The following SLF2 variants were observed in gnomAD, a reference collection of about 807,000 sequenced individuals.
The protein encoded by SLF2 is SMC5-SMC6 complex localization factor protein 2.
Under a neutral mutation model 124.3 loss-of-function variants are expected in SLF2, and 68 were observed. That is an observed-to-expected ratio of 0.55 (90% CI 0.45 to 0.67). The LOEUF is 0.67. SLF2 is among the 30% of genes least tolerant of loss of function. The pLI is 0.00. For missense variants in SLF2, 1,246 were observed against 1,373.7 expected (o/e 0.91, Z 1.47); for synonymous variants, 480 against 478.8 (o/e 1.00, Z -0.03).
chr10:100,914,722 A>G (rs921979866), intron 1 of SLF2, among the ~76,000 whole-genome samples: 1 of 152,178 alleles, frequency 6.6e-6, no homozygotes, highest in African/African-American at 2.4e-5. Context: ...ATAGCCCGTC[A>G]CTCATATTCA....
intron 17 of SLF2, among the ~76,000 whole-genome samples, chr10:100,953,019 T>C (rs1850249926): frequency 6.6e-6 from 1 of 152,252 alleles, no homozygotes; most frequent in South Asian, 2.1e-4. Flanking sequence ...TTATATTTTA[T>C]ACATTTTTTT....
chr10:100,919,639 T>A (rs746509471), intron 4 of SLF2, among the ~76,000 whole-genome samples: 31 of 152,226 alleles, frequency 2.0e-4, no homozygotes, highest in Non-Finnish European at 1.3e-4. Flanking sequence ...TCTCCACAAC[T>A]AACAACAGTT....
Position 100,916,592 on chromosome 10 carries a change from A to C in SLF2, c.207A>C (p.Pro69=). The C allele has an allele frequency of 7.1e-7, 1 of 1,401,270 alleles. No individual in the cohort carries two copies. Among genetic ancestry groups the C allele is most frequent in the Non-Finnish European group, 9.3e-7 (1 of 1,072,782 alleles). The allele number at this position is 1,401,270 out of a possible 1,614,324, so 86.8% of individuals were successfully genotyped here. The change falls in exon 3 of 20, where the codon CCA becomes CCC. Residue 69 remains proline, a synonymous_variant. Coordinates refer to ENST00000238961, the MANE Select transcript of SLF2 (RefSeq NM_018121.4). Reference sequence around the variant, plus strand: ...TAGACAGACACATGTTGGATTCACCACAAAAATCAAACATCAAATATGGAG... The same window carrying C: ...TAGACAGACACATGTTGGATTCACCCCAAAAATCAAACATCAAATATGGAG... ...SKQDRHMLDS[P]QKSNIKYGGS...
At position 100,916,188 on chromosome 10, in the gene SLF2, C is replaced by A. The variant is rs1171549973; in HGVS notation, c.184+146C>A. The A allele has an allele frequency of 8.4e-6, 5 of 596,074 alleles. No homozygotes were observed. In the East Asian group the frequency reaches 1.4e-4, roughly 17 times the overall value. 36.9% of individuals were successfully genotyped at this position (596,074 alleles called of 1,614,324 possible). A position where few individuals can be genotyped will look rare whatever the true frequency, so the allele number is the denominator to read the frequency against. On this transcript the variant is annotated intron_variant, in intron 2 of 19. Coordinates refer to ENST00000238961, the MANE Select transcript of SLF2 (RefSeq NM_018121.4). Reference sequence around the variant, plus strand: ...AATGAAGATGCAGTATTTTGTTTTACAAGGATAAACTGAAGTTCTAAATAT... The same window carrying A: ...AATGAAGATGCAGTATTTTGTTTTAAAAGGATAAACTGAAGTTCTAAATAT...
intron 17 of SLF2, among the ~76,000 whole-genome samples, chr10:100,953,608 G>A (rs776785384): frequency 3.6e-4 from 55 of 151,716 alleles, no homozygotes; most frequent in Admixed American, 1.3e-4. Context: ...TAACAAAAAT[G>A]TAATCATAGT....
intron 3 of SLF2, among the ~76,000 whole-genome samples, chr10:100,917,857 A>T (rs1849447837): frequency 6.6e-6 from 1 of 152,152 alleles, no homozygotes; most frequent in Non-Finnish European, 1.5e-5. Context: ...AGGTGGAAGG[A>T]TTGCTTGAGC....
intron 4 of SLF2, among the ~76,000 whole-genome samples, chr10:100,919,400 C>T (rs896582125): frequency 6.6e-6 from 1 of 151,978 alleles, no homozygotes; most frequent in Non-Finnish European, 1.5e-5. Context: ...GAGACTGTTA[C>T]CATGATAAAA....
At chr10:100,918,868 A>G (rs563828466) in intron 4 of SLF2, among the ~76,000 whole-genome samples, 2 of 152,104 alleles carry the variant, frequency 1.3e-5, no homozygotes, top group African/African-American at 4.8e-5. Flanking sequence ...ATGAGCCACC[A>G]CACCTGACCT....
chr10:100,927,226 C>CCATA (rs1421346325), intron 6 of SLF2, among the ~76,000 whole-genome samples: 1 of 152,170 alleles, frequency 6.6e-6, no homozygotes, highest in Non-Finnish European at 1.5e-5. Flanking sequence ...AACTGAAACT[C>CCATA]CATACCCTTT....
intron 19 of SLF2, among the ~76,000 whole-genome samples, chr10:100,960,159 A>C (rs1437871223): frequency 6.6e-6 from 1 of 152,224 alleles, no homozygotes; most frequent in Non-Finnish European, 1.5e-5. Flanking sequence ...TGGATATGTC[A>C]CATTTATTTA....
intron 11 of SLF2, chr10:100,943,652 CAG>C (rs1437224712): frequency 6.4e-6 from 1 of 157,130 alleles, no homozygotes; most frequent in East Asian, 1.8e-4. Context: ...TCTTTTTAGT[CAG>C]AGCCATCTTC....
intron 18 of SLF2, 73 bp downstream of exon 18, chr10:100,956,610 A>G: frequency 9.1e-7 from 1 of 1,092,940 alleles, no homozygotes; most frequent in Non-Finnish European, 1.3e-6. Flanking sequence ...GGATAGAAGC[A>G]TACAGGCCTA....
At chr10:100,913,305 G>A (rs1849354798) in intron 1 of SLF2, 55 bp downstream of exon 1, 24 of 1,431,982 alleles carry the variant, frequency 1.7e-5, no homozygotes, top group Non-Finnish European at 2.1e-5. Context: ...GGGTATGAGG[G>A]GAGGGCTGCA....
chr10:100,944,133 G>A lies in SLF2; in HGVS notation c.2757+5G>A. 6.3e-7 allele frequency: 1 copy of A among 1,579,208 alleles called. No homozygotes were observed. Among genetic ancestry groups the A allele is most frequent in the East Asian group, 2.2e-5 (1 of 44,572 alleles). ...AACATTTTAAATGTGGTTAAGGTAG[G>A]AAAGAACTTTTATGTGTCTTCTGCT... On this transcript the variant is annotated splice_donor_5th_base_variant and intron_variant, in intron 12 of 19. Coordinates refer to ENST00000238961, the MANE Select transcript of SLF2 (RefSeq NM_018121.4).
chr10:100,924,482 G>A lies in SLF2; in HGVS notation c.1481G>A (p.Cys494Tyr). The A allele has an allele frequency of 6.2e-7, 1 of 1,613,982 alleles. No individual in the cohort carries two copies. The highest frequency in any genetic ancestry group is 8.5e-7 in the Non-Finnish European group (1 of 1,180,012). The change falls in exon 5 of 20, where the codon TGT becomes TAT. Residue 494 changes from cysteine to tyrosine, a missense_variant. Transcript: ENST00000238961. ...CTAGTACCATTAAATGCTAAAAATTGTGCTCTTCCAGTTTCTAAAAAAGAT... is the reference window on the plus strand; with the variant it reads ...CTAGTACCATTAAATGCTAAAAATTATGCTCTTCCAGTTTCTAAAAAAGAT... ...SSLVPLNAKN[C>Y]ALPVSKKDKE...
At position 100,929,855 on chromosome 10, in the gene SLF2, A is replaced by G. The variant is rs1012086295; in HGVS notation, c.2191A>G (p.Thr731Ala). Residue 731 changes from threonine (T) to alanine (A), a missense_variant, in exon 8 of 20, where the codon ACA becomes GCA. Coordinates refer to ENST00000238961, the MANE Select transcript of SLF2 (RefSeq NM_018121.4). ...HKEFLKKFSV[T>A]IDAIPDHHPG... ...GGAATTTCTAAAGAAATTTTCAGTT[A>G]CAATTGATGCTATTCCTGATCATCA... 4 of 1,577,358 alleles carry G rather than the reference A, an allele frequency of 2.5e-6. No homozygotes were observed. The South Asian group carries it at 3.6e-5, about 14-fold the overall frequency.
At chr10:100,947,871 T>A in intron 15 of SLF2, 24 bp downstream of exon 15, 1 of 1,557,130 alleles carries the variant, frequency 6.4e-7, no homozygotes, top group Non-Finnish European at 8.8e-7. Context: ...CATTTTTATT[T>A]TTAATAAATG....
chr10:100,924,091 C>G lies in SLF2; in HGVS notation c.1090C>G (p.Arg364Gly). 6.2e-7 allele frequency: 1 copy of G among 1,613,204 alleles called. No individual in the cohort carries two copies. The highest frequency in any genetic ancestry group is 8.5e-7 in the Non-Finnish European group (1 of 1,179,794). ...PKARESFLEK[R>G]PDGPHQKEKF... ...AGCAAGAGAGTCCTTCCTTGAGAAG[C>G]GTCCTGATGGACCACATCAGAAAGA... The change falls in exon 5 of 20, where the codon CGT becomes GGT. Residue 364 changes from arginine to glycine, a missense_variant. By Grantham distance (125) the Arg-to-Gly change is moderately radical. Around this residue, in one of 3 missense-constraint regions of SLF2, gnomAD observed 698 missense variants for 708.9 expected, o/e 0.98. Transcript: ENST00000238961.
At chr10:100,934,019 G>C (rs1019217487) in intron 9 of SLF2, among the ~76,000 whole-genome samples, 1 of 152,170 alleles carries the variant, frequency 6.6e-6, no homozygotes, top group Non-Finnish European at 1.5e-5. Flanking sequence ...GAATCTGTTT[G>C]AGTGAACAGT....
Sources: allele counts gnomAD v4.1 joint callset (sites outside exome capture counted in the v4.1 genomes callset), GRCh38; gene constraint gnomAD v4.1.1; regional missense constraint gnomAD v4.1.1; transcripts MANE v1.5; gene names NCBI Gene and HGNC (gene_info 2026-07-23, HGNC 2026-07-21).